The following PIP5K1C variants were observed in gnomAD, a reference collection of about 807,000 sequenced individuals.
PIP5K1C encodes phosphatidylinositol-4-phosphate 5-kinase type 1 gamma, also known as phosphatidylinositol 4-phosphate 5-kinase type-1 gamma.
Under a neutral mutation model 80.1 loss-of-function variants are expected in PIP5K1C, and 45 were observed. That is an observed-to-expected ratio of 0.56 (90% CI 0.44 to 0.72). The LOEUF (loss-of-function observed/expected upper bound fraction) is 0.72, where lower values mean the gene tolerates loss of function less well. PIP5K1C is among the 30% of genes least tolerant of loss of function. The pLI, the probability that PIP5K1C is intolerant of heterozygous loss-of-function variation, is 0.00. For missense variants in PIP5K1C, 753 were observed against 954.6 expected (o/e 0.79, Z 2.78); for synonymous variants, 498 against 420.1 (o/e 1.19, Z -2.27).
Position 3,630,676 on chromosome 19 carries a change from G to A in PIP5K1C, c.*2491C>T, listed in dbSNP as rs1434080127. On this transcript the variant is annotated 3_prime_UTR_variant, in exon 18 of 18. Transcript: ENST00000335312. The stretch of plus-strand genomic sequence containing the variant: ...CGTAGGGGGACAGAGCCTGGCAGGA[G>A]ACACATGGAAGTTTCCGCCTTGTCA... The A allele has an allele frequency of 2.0e-5, 3 of 152,526 alleles. No individual in the cohort carries two copies. The highest frequency in any genetic ancestry group is 4.4e-5 in the Non-Finnish European group (3 of 68,062). The allele number at this position is 152,526 out of a possible 1,614,324, so 9.4% of individuals were successfully genotyped here. A position where few individuals can be genotyped will look rare whatever the true frequency, so the allele number is the denominator to read the frequency against.
intron 1 of PIP5K1C, among the ~76,000 whole-genome samples, chr19:3,675,887 C>T (rs1443012771): frequency 2.0e-5 from 3 of 152,218 alleles, no homozygotes; most frequent in Admixed American, 1.3e-4. Flanking sequence ...GACATGGCCC[C>T]GTGTCCCCAG....
intron 5 of PIP5K1C, among the ~76,000 whole-genome samples, chr19:3,660,253 A>G (rs1043859944): frequency 2.0e-5 from 3 of 152,014 alleles, no homozygotes; most frequent in Admixed American, 6.6e-5. Flanking sequence ...GGTGGCAGGC[A>G]CCTGTAGTCC....
rs759909286 is a variant in PIP5K1C at position 3,644,220 on chromosome 19, G to A, written c.1377C>T (p.Arg459=). 21 of 1,612,312 alleles carry A rather than the reference G, an allele frequency of 1.3e-5. No individual in the cohort carries two copies. In the Admixed American group the frequency reaches 1.5e-4, roughly 12 times the overall value. The change falls in exon 12 of 18, where the codon CGC becomes CGT. Residue 459 remains arginine, a synonymous_variant. Coordinates refer to ENST00000335312, the MANE Select transcript of PIP5K1C (RefSeq NM_012398.3). ...SLKSSPSKKG[R]GGALLAVKPL... ...GTTTCACAGCTAGCAAGGCTCCGCC[G>A]CGCCCCTTCTTGGAGGGCGAGGACT... is the stretch of plus-strand genomic sequence containing the variant.
At chr19:3,694,145 G>A (rs2036030492) in intron 1 of PIP5K1C, among the ~76,000 whole-genome samples, 1 of 150,948 alleles carries the variant, frequency 6.6e-6, no homozygotes, top group African/African-American at 2.4e-5. Flanking sequence ...CCGGGAGGTG[G>A]AGCTTGCAGT....
At chr19:3,666,535 A>G (rs1465921987) in intron 2 of PIP5K1C, among the ~76,000 whole-genome samples, 1 of 152,210 alleles carries the variant, frequency 6.6e-6, no homozygotes, top group Non-Finnish European at 1.5e-5. Flanking sequence ...GTACATACGC[A>G]CGCAGGCAAA....
At chr19:3,682,432 C>T (rs2035617676) in intron 1 of PIP5K1C, among the ~76,000 whole-genome samples, 1 of 151,420 alleles carries the variant, frequency 6.6e-6, no homozygotes, top group Admixed American at 6.6e-5. Context: ...GTCATCCCAG[C>T]ACACTTGGAG....
intron 7 of PIP5K1C, among the ~76,000 whole-genome samples, chr19:3,652,449 G>A (rs890691801): frequency 8.5e-5 from 13 of 152,224 alleles, no homozygotes; most frequent in African/African-American, 2.2e-4. Flanking sequence ...TGGTCTGGGC[G>A]GTTTTCTGGG....
At position 3,662,073 on chromosome 19, in the gene PIP5K1C, G is replaced by A. The variant is rs1600008086; in HGVS notation, c.220-72C>T. 12 of 1,514,896 alleles carry A rather than the reference G, an allele frequency of 7.9e-6. No homozygotes were observed. The African/African-American group carries it at 8.3e-5, about 10-fold the overall frequency. 93.8% of individuals were successfully genotyped at this position (1,514,896 alleles called of 1,614,324 possible). A position where few individuals can be genotyped will look rare whatever the true frequency, so the allele number is the denominator to read the frequency against. On this transcript the variant is annotated intron_variant, in intron 3 of 17. Transcript: ENST00000335312. ...GCCCTGCACCCCCTGTGTGCACCGG[G>A]GGGTGGAGATCGTGACCAGCTGCAG...
At chr19:3,654,972 G>A (rs1388995127) in intron 6 of PIP5K1C, among the ~76,000 whole-genome samples, 2 of 151,956 alleles carry the variant, frequency 1.3e-5, no homozygotes, top group Non-Finnish European at 2.9e-5. Context: ...GCCAGGCGTG[G>A]TGGTAGGTGC....
chr19:3,670,974 G>A (rs144436160), intron 1 of PIP5K1C, among the ~76,000 whole-genome samples: 1,888 of 152,372 alleles, frequency 0.012, 49 homozygotes, highest in African/African-American at 0.043. Context: ...GCGGCGGGGC[G>A]GAAGGTGCTG....
chr19:3,637,130 C>T lies in PIP5K1C; in HGVS notation c.1920+1754G>A. ...ACTCTGCTGACCTGTGCAACCTCCCCTGTGCAGCCAGCGGGGCCACGGGCA... is the reference window on the plus strand; with the variant it reads ...ACTCTGCTGACCTGTGCAACCTCCCTTGTGCAGCCAGCGGGGCCACGGGCA... On this transcript the variant is annotated intron_variant, in intron 16 of 17. Transcript: ENST00000335312. This position sits in a 1 kb window ranked among gnomAD's most constrained non-coding sequence, Gnocchi z 7.0. 1 of 1,379,470 alleles carries T rather than the reference C, an allele frequency of 7.2e-7. No homozygotes were observed. Among genetic ancestry groups the T allele is most frequent in the Non-Finnish European group, 9.4e-7 (1 of 1,064,652 alleles). 85.5% of individuals were successfully genotyped at this position (1,379,470 alleles called of 1,614,324 possible).
intron 8 of PIP5K1C, among the ~76,000 whole-genome samples, chr19:3,649,063 A>G (rs59051426): frequency 0.016 from 2,190 of 136,258 alleles, 38 homozygotes; most frequent in African/African-American, 0.032. Context: ...ACCCGGCACC[A>G]TGCCCACACG....
Position 3,688,076 on chromosome 19 carries a change from C to T in PIP5K1C, c.94+12221G>A, listed in dbSNP as rs1201511996. On this transcript the variant is annotated intron_variant, in intron 1 of 17. Transcript: ENST00000335312. This position sits in a 1 kb window ranked among gnomAD's most constrained non-coding sequence, Gnocchi z 5.3. Reference sequence around the variant, plus strand: ...CAGGGTGCACAGAGCACACGCCAGCCCCTGGGGGAAGCCCGGCCCGTGCGG... The same window carrying T: ...CAGGGTGCACAGAGCACACGCCAGCTCCTGGGGGAAGCCCGGCCCGTGCGG... Among the ~76,000 whole-genome samples, 1 of 152,148 alleles carries T rather than the reference C, an allele frequency of 6.6e-6. No homozygotes were observed. The highest frequency in any genetic ancestry group is 1.9e-4 in the East Asian group (1 of 5,174).
chr19:3,642,202 G>A (rs2033991833), intron 14 of PIP5K1C, among the ~76,000 whole-genome samples: 1 of 152,204 alleles, frequency 6.6e-6, no homozygotes, highest in African/African-American at 2.4e-5. Context: ...CTGCAGGGAG[G>A]GTCACATCCC....
intron 1 of PIP5K1C, among the ~76,000 whole-genome samples, chr19:3,683,777 C>T (rs1020102622): frequency 5.3e-5 from 8 of 152,096 alleles, no homozygotes; most frequent in African/African-American, 1.9e-4. Flanking sequence ...ACGGAGGCCC[C>T]GGGGCAGGAC....
Position 3,643,353 on chromosome 19 carries a change from T to C in PIP5K1C, c.1539A>G (p.Pro513=). 1 of 1,613,620 alleles carries C rather than the reference T, an allele frequency of 6.2e-7. No individual in the cohort carries two copies. Among genetic ancestry groups the C allele is most frequent in the Non-Finnish European group, 8.5e-7 (1 of 1,179,916 alleles). Residue 513 remains proline, a synonymous_variant, in exon 13 of 18, where the codon CCA becomes CCG. Coordinates refer to ENST00000335312, the MANE Select transcript of PIP5K1C (RefSeq NM_012398.3). ...CTGTAGTGGCTTCTTCGAAAGAAGG[T>C]GGCGTGCAGGGCAGGAGGTCGGGCC... ...EGRPDLLPCT[P]PSFEEATTAS...
chr19:3,643,176 CAGTG>C, intron 13 of PIP5K1C, 63 bp downstream of exon 13: 1 of 1,603,980 alleles, frequency 6.2e-7, no homozygotes, highest in Non-Finnish European at 8.5e-7. Flanking sequence ...CGCCCACATG[CAGTG>C]AATGCCCCGC....
rs138081265 is a variant in PIP5K1C, at chr19:3,637,462, C to A, written c.1920+1422G>T. ...TGACGTCAGACACTGAGCTTCCGGCCGGGGACCTGCGGCTCCCTGCTGCCC... is the reference window on the plus strand; with the variant it reads ...TGACGTCAGACACTGAGCTTCCGGCAGGGGACCTGCGGCTCCCTGCTGCCC... On this transcript the variant is annotated intron_variant, in intron 16 of 17. Coordinates refer to ENST00000335312, the MANE Select transcript of PIP5K1C (RefSeq NM_012398.3). This position sits in a 1 kb window ranked among gnomAD's most constrained non-coding sequence, Gnocchi z 7.0. The A allele has an allele frequency of 7.1e-4, 1,085 of 1,535,674 alleles. 13 individuals are homozygous for A. In the East Asian group the frequency reaches 0.021, roughly 30 times the overall value.
At position 3,653,560 on chromosome 19, in the gene PIP5K1C, C is replaced by A. The variant is rs753061272; in HGVS notation, c.651G>T (p.Leu217=). 8 of 1,609,850 alleles carry A rather than the reference C, an allele frequency of 5.0e-6. No individual in the cohort carries two copies. The highest frequency in any genetic ancestry group is 6.8e-6 in the Non-Finnish European group (8 of 1,176,684). ...MNLNQNPRTL[L]PKFYGLYCVQ... is the part of the protein sequence containing the mutation. ...CGCAGTACAGCCCATAGAACTTGGG[C>A]AGCAGCGTCCGCGGGTTCTGGTTGA... The change falls in exon 7 of 18, where the codon CTG becomes CTT. Residue 217 remains leucine (L), a synonymous_variant. Coordinates refer to ENST00000335312, the MANE Select transcript of PIP5K1C (RefSeq NM_012398.3).
Sources: gnomAD v4.1 joint callset for allele counts (sites outside exome capture counted in the v4.1 genomes callset) on GRCh38, gnomAD v4.1.1 for gene constraint, Gnocchi (gnomAD v3.1) non-coding constraint, MANE v1.5 for transcripts, NCBI Gene and HGNC (gene_info 2026-07-23, HGNC 2026-07-21) for gene names.